The following PARD3 variants were observed in gnomAD, a reference collection of about 807,000 sequenced individuals.
The protein encoded by PARD3 is partitioning defective 3 homolog.
A neutral mutation model predicts 155.4 loss-of-function variants in PARD3; 75 were observed. That is an observed-to-expected ratio of 0.48 (90% confidence interval 0.40 to 0.58). PARD3 has a LOEUF of 0.58. Among genes scored for constraint, PARD3 ranks in the 20% least tolerant of loss-of-function variants. The pLI is 0.00. For synonymous variants in PARD3, 576 were observed against 610.5 expected (o/e 0.94, Z 0.83); for missense variants, 1,642 against 1,721.7 (o/e 0.95, Z 0.82).
chr10:34,711,881 T>C (rs2094454038), intron 1 of PARD3, among the ~76,000 whole-genome samples: 1 of 152,034 alleles, frequency 6.6e-6, no homozygotes, highest in African/African-American at 2.4e-5. Flanking sequence ...GCTCAAGAAA[T>C]GCTGTGTGAT....
At chr10:34,651,691 A>G (rs892539913) in intron 2 of PARD3, among the ~76,000 whole-genome samples, 1 of 152,206 alleles carries the variant, frequency 6.6e-6, no homozygotes, top group Non-Finnish European at 1.5e-5. Context: ...AGCTTTGCAA[A>G]AACTGTATCA....
At chr10:34,516,089 C>T (rs1002191194) in intron 3 of PARD3, among the ~76,000 whole-genome samples, 5 of 152,052 alleles carry the variant, frequency 3.3e-5, no homozygotes, top group Non-Finnish European at 7.4e-5. Context: ...TTCAGCCTCC[C>T]AAGTAGCTGG....
intron 4 of PARD3, among the ~76,000 whole-genome samples, chr10:34,458,793 C>T (rs1015777925): frequency 5.3e-5 from 8 of 152,134 alleles, no homozygotes; most frequent in East Asian, 1.9e-4. Context: ...AAAGGAAAGC[C>T]GCATGAACCA....
At chr10:34,262,346 A>G (rs1167207819) in intron 22 of PARD3, among the ~76,000 whole-genome samples, 4 of 152,114 alleles carry the variant, frequency 2.6e-5, no homozygotes, top group African/African-American at 9.7e-5. Context: ...GGCCCACTGC[A>G]GCCTCAAACT....
chr10:34,143,395 T>C (rs1461796404), intron 22 of PARD3, among the ~76,000 whole-genome samples: 1 of 152,170 alleles, frequency 6.6e-6, no homozygotes. Context: ...GATGACACAA[T>C]AAAATGATTA....
At chr10:34,768,381 G>GAAGCAAAGGCGGGACAACTCA in intron 1 of PARD3, among the ~76,000 whole-genome samples, 1 of 151,986 alleles carries the variant, frequency 6.6e-6, no homozygotes, top group South Asian at 2.1e-4. Context: ...GGGACAACTC[G>GAAGCAAAGGCGGGACAACTCA]AAGCAAAGGC....
intron 2 of PARD3, among the ~76,000 whole-genome samples, chr10:34,673,802 GCAA>G (rs2093649972): frequency 6.6e-6 from 1 of 151,936 alleles, no homozygotes; most frequent in Non-Finnish European, 1.5e-5. Flanking sequence ...ACCAGTCTGG[GCAA>G]CATGGTGAAA....
intron 3 of PARD3, among the ~76,000 whole-genome samples, chr10:34,505,630 T>C (rs1204690308): frequency 6.6e-6 from 1 of 152,190 alleles, no homozygotes; most frequent in Admixed American, 6.5e-5. Context: ...CCTTTCCAGA[T>C]GAATGCCAGG....
chr10:34,795,514 A>AG (rs1373187338), intron 1 of PARD3, among the ~76,000 whole-genome samples: 1 of 151,824 alleles, frequency 6.6e-6, no homozygotes, highest in Non-Finnish European at 1.5e-5. Flanking sequence ...GGAGGCTGAG[A>AG]GGTGGGAGAA....
At chr10:34,131,415 C>T in intron 23 of PARD3, 48 bp downstream of exon 23, 1 of 1,610,428 alleles carries the variant, frequency 6.2e-7, no homozygotes, top group Non-Finnish European at 8.5e-7. Context: ...GCCTTTGCTG[C>T]AGGGAAGTTG....
intron 2 of PARD3, among the ~76,000 whole-genome samples, chr10:34,590,232 C>T (rs1296945179): frequency 6.6e-6 from 1 of 152,210 alleles, no homozygotes; most frequent in Non-Finnish European, 1.5e-5. Flanking sequence ...AGGGGCAGGA[C>T]TCACAACGTC....
intron 5 of PARD3, among the ~76,000 whole-genome samples, chr10:34,427,378 A>T (rs1167324929): frequency 6.6e-6 from 1 of 152,214 alleles, no homozygotes; most frequent in Non-Finnish European, 1.5e-5. Flanking sequence ...ATGCAGACGT[A>T]GGTAGGGATG....
chr10:34,750,358 AAG>A (rs71033347), intron 1 of PARD3, among the ~76,000 whole-genome samples: 51,283 of 151,738 alleles, frequency 0.34, 10,262 homozygotes, highest in Non-Finnish European at 0.45. Context: ...AAAAGCAGAA[AAG>A]AGTGATTATT....
chr10:34,569,021 TAAGTAA>T (rs948783216), intron 2 of PARD3, among the ~76,000 whole-genome samples: 2 of 152,344 alleles, frequency 1.3e-5, no homozygotes, highest in East Asian at 1.9e-4. Flanking sequence ...CTGTTCATGC[TAAGTAA>T]AAGTATTAAA....
At position 34,685,371 on chromosome 10, in the gene PARD3, G is replaced by A. The variant is rs190795504; in HGVS notation, c.222+10947C>T. Among the ~76,000 whole-genome samples, 83 of 152,188 alleles carry A rather than the reference G, an allele frequency of 5.5e-4. 1 individual carries two copies. The East Asian group carries it at 0.014, about 25-fold the overall frequency. On this transcript the variant is annotated intron_variant, in intron 2 of 24. Transcript: ENST00000374788. ...CTGCATTAAAAGCATGTTCTCCTGG[G>A]CTACATCCACTTCACCTGAAGGAAG...
chr10:34,632,047 G>A (rs1590319148), intron 2 of PARD3, among the ~76,000 whole-genome samples: 2 of 152,258 alleles, frequency 1.3e-5, no homozygotes, highest in South Asian at 4.1e-4. Flanking sequence ...TTTGGAAGGG[G>A]GAGGCTTTTG....
chr10:34,350,375 T>C (rs1009582132), intron 14 of PARD3, among the ~76,000 whole-genome samples: 11 of 152,180 alleles, frequency 7.2e-5, no homozygotes, highest in Non-Finnish European at 1.3e-4. Context: ...TTGGGCACAG[T>C]GGCTCACGCC....
At chr10:34,672,643 A>T (rs1411346787) in intron 2 of PARD3, among the ~76,000 whole-genome samples, 1 of 152,244 alleles carries the variant, frequency 6.6e-6, no homozygotes, top group Admixed American at 6.5e-5. Context: ...TGATCACACT[A>T]CTGAGCTCTG....
At chr10:34,322,304 G>A (rs1354268658) in intron 19 of PARD3, among the ~76,000 whole-genome samples, 1 of 152,162 alleles carries the variant, frequency 6.6e-6, no homozygotes, top group Non-Finnish European at 1.5e-5. Flanking sequence ...TATTTTGTGG[G>A]TAGCTGACTC....
Sources: allele counts gnomAD v4.1 joint callset (sites outside exome capture counted in the v4.1 genomes callset), GRCh38; gene constraint gnomAD v4.1.1; transcripts MANE v1.5; gene names NCBI Gene and HGNC (gene_info 2026-07-23, HGNC 2026-07-21).